The following TG variants were observed in gnomAD, a reference collection of about 807,000 sequenced individuals.
TG encodes thyroid hormones.
A neutral mutation model predicts 324.7 loss-of-function variants in TG; 270 were observed. That is an observed-to-expected ratio of 0.83 (90% confidence interval 0.75 to 0.92). TG has a LOEUF of 0.92. Ranked by LOEUF, TG falls within the 40% of genes least tolerant of loss-of-function variation. TG has a pLI of 0.00. For synonymous variants in TG, 1,401 were observed against 1,327.0 expected, an observed-to-expected ratio of 1.06 and a Z score of -1.21; for missense variants, 3,591 against 3,456.4, an observed-to-expected ratio of 1.04 and a Z score of -0.98.
At chr8:132,891,699 G>A (rs1385477629) in intron 10 of TG, among the ~76,000 whole-genome samples, 1 of 152,196 alleles carries the variant, frequency 6.6e-6, no homozygotes, top group Non-Finnish European at 1.5e-5. Context: ...TGGAAGAAAT[G>A]TAGAGCAAGC....
chr8:133,060,038 A>C, intron 41 of TG: 1 of 1,493,770 alleles, frequency 6.7e-7, no homozygotes, highest in Non-Finnish European at 8.9e-7. Context: ...ACCACCGCCC[A>C]GTCTTTACCA....
intron 43 of TG, among the ~76,000 whole-genome samples, chr8:133,103,650 G>A (rs13256171): frequency 6.6e-6 from 1 of 152,088 alleles, no homozygotes; most frequent in African/African-American, 2.4e-5. Context: ...ACTTTTGTGA[G>A]TTCCTAAAAG....
intron 41 of TG, among the ~76,000 whole-genome samples, chr8:133,083,490 A>G (rs1238514437): frequency 2.0e-5 from 3 of 152,196 alleles, no homozygotes; most frequent in African/African-American, 7.2e-5. Context: ...ACAGCTGGTT[A>G]GAGGGGGTGT....
rs1481512932 is a variant in TG, at chr8:132,898,785, C to T, written c.3218-13C>T. On this transcript the variant is annotated splice_polypyrimidine_tract_variant and intron_variant, in intron 13 of 47. Transcript: ENST00000220616. ...CACGACCAGTCCTTTACAAGCACCTCTCTCTCCCACAGGCCCGACAACCTG... is the reference window on the plus strand; with the variant it reads ...CACGACCAGTCCTTTACAAGCACCTTTCTCTCCCACAGGCCCGACAACCTG... 9 of 1,613,116 alleles carry T rather than the reference C, an allele frequency of 5.6e-6. No individual in the cohort carries two copies. Among genetic ancestry groups the T allele is most frequent in the African/African-American group, 1.3e-5 (1 of 74,936 alleles).
chr8:133,087,061 A>G (rs1244340995), intron 41 of TG, among the ~76,000 whole-genome samples: 2 of 146,450 alleles, frequency 1.4e-5, no homozygotes, highest in African/African-American at 5.1e-5. Flanking sequence ...AGATTTCCTG[A>G]ATATATGTTT....
chr8:132,968,984 T>C (rs55741011), intron 31 of TG, among the ~76,000 whole-genome samples: 1,528 of 152,244 alleles, frequency 0.01, 14 homozygotes, highest in Middle Eastern at 0.041. Context: ...TCTATCTTCT[T>C]CCGTGGTGGG....
chr8:132,893,252 G>A (rs1816556906), intron 10 of TG, among the ~76,000 whole-genome samples: 1 of 147,720 alleles, frequency 6.8e-6, no homozygotes, highest in Non-Finnish European at 1.5e-5. Flanking sequence ...TGTGTGTGGT[G>A]TGTATGTGTG....
chr8:133,026,092 G>C (rs1172141312), intron 40 of TG, among the ~76,000 whole-genome samples: 2 of 152,168 alleles, frequency 1.3e-5, no homozygotes, highest in Non-Finnish European at 2.9e-5. Flanking sequence ...ATCATTTCCT[G>C]GCCCAGTATC....
chr8:133,101,949 G>A (rs1256042973), intron 43 of TG, among the ~76,000 whole-genome samples: 2 of 152,190 alleles, frequency 1.3e-5, no homozygotes, highest in African/African-American at 2.4e-5. Context: ...GCAATCACGA[G>A]CATCCAAGTT....
At chr8:132,988,785 G>A (rs1442477808) in intron 35 of TG, 2 of 985,452 alleles carry the variant, frequency 2.0e-6, no homozygotes, top group Middle Eastern at 5.2e-4. Context: ...CTGCCTGTGT[G>A]ATCGTCGCAC....
chr8:133,039,173 C>T (rs982420072), intron 41 of TG, among the ~76,000 whole-genome samples: 6 of 152,352 alleles, frequency 3.9e-5, no homozygotes, highest in African/African-American at 1.4e-4. Flanking sequence ...GCCACCGCGC[C>T]TGGCCCTAAC....
At chr8:132,946,500 G>A (rs1825321775) in intron 26 of TG, among the ~76,000 whole-genome samples, 1 of 152,142 alleles carries the variant, frequency 6.6e-6, no homozygotes, top group Non-Finnish European at 1.5e-5. Flanking sequence ...AACTTATGAA[G>A]ATTTGGCTGG....
intron 34 of TG, among the ~76,000 whole-genome samples, chr8:132,978,678 A>G (rs1261371763): frequency 6.6e-6 from 1 of 152,122 alleles, no homozygotes; most frequent in Non-Finnish European, 1.5e-5. Context: ...AAAGCTGGAT[A>G]TAGAGAAAGG....
At chr8:133,035,744 T>C (rs1301337710) in intron 41 of TG, among the ~76,000 whole-genome samples, 1 of 152,250 alleles carries the variant, frequency 6.6e-6, no homozygotes, top group Non-Finnish European at 1.5e-5. Context: ...ACCACAGGTT[T>C]TCCTTTTGTT....
chr8:133,035,297 T>C (rs1198130497), intron 41 of TG, among the ~76,000 whole-genome samples: 1 of 152,228 alleles, frequency 6.6e-6, no homozygotes, highest in East Asian at 1.9e-4. Flanking sequence ...TTTTTAGACT[T>C]TAGATCCCTA....
chr8:132,967,611 G>T (rs1461803683), intron 30 of TG, among the ~76,000 whole-genome samples, 183 bp from the exon 31 acceptor site: 3 of 152,142 alleles, frequency 2.0e-5, no homozygotes, highest in African/African-American at 7.2e-5. Context: ...CCCCTCCCCA[G>T]CTAGCAGAAC....
chr8:133,013,607 C>T lies in TG; in HGVS notation c.6405C>T (p.Ser2135=). 1 of 1,614,168 alleles carries T rather than the reference C, an allele frequency of 6.2e-7. No homozygotes were observed. Among genetic ancestry groups the T allele is most frequent in the East Asian group, 2.2e-5 (1 of 44,888 alleles). Residue 2135 remains serine, a synonymous_variant, in exon 37 of 48, where the codon TCC becomes TCT. Coordinates refer to ENST00000220616, the MANE Select transcript of TG (RefSeq NM_003235.5). ...AVRDLCLSEC[S]QHEACLITTL... ...TCTCCCTCTTTTCTGCAGAATGTTC[C>T]CAACATGAGGCCTGTCTCATCACCA...
rs112689488 is a variant in TG, at chr8:132,994,604, A to T, written c.6262+11192A>T. 4.4e-3 allele frequency: 4,974 copies of T among 1,124,584 alleles called. 177 individuals are homozygous for T. The African/African-American group carries it at 0.074, about 17-fold the overall frequency. 69.7% of individuals were successfully genotyped at this position (1,124,584 alleles called of 1,614,324 possible). A position where few individuals can be genotyped will look rare whatever the true frequency, so the allele number is the denominator to read the frequency against. ...TGCTACACAAAGTTTTTTTTAAATG[A>T]TCCTTCAGTCATCCATTCATTTATT... On this transcript the variant is annotated intron_variant, in intron 35 of 47. Transcript: ENST00000220616.
intron 39 of TG, among the ~76,000 whole-genome samples, chr8:133,021,504 G>A (rs773539067): frequency 3.3e-5 from 5 of 152,154 alleles, no homozygotes; most frequent in Non-Finnish European, 7.4e-5. Flanking sequence ...CTATGAATGG[G>A]GTTTAATAGT....
Sources: gnomAD v4.1 joint callset for allele counts (sites outside exome capture counted in the v4.1 genomes callset) on GRCh38, gnomAD v4.1.1 for gene constraint, MANE v1.5 for transcripts, NCBI Gene and HGNC (gene_info 2026-07-23, HGNC 2026-07-21) for gene names.